The following ASTN2 variants were observed in gnomAD, a reference collection of about 807,000 sequenced individuals.
The protein encoded by ASTN2 is astrotactin 2, also known as astrotactin-2.
A neutral mutation model predicts 139.8 loss-of-function variants in ASTN2; 54 were observed. The observed-to-expected ratio is 0.39, with a 90% CI of 0.31 to 0.48. The LOEUF (loss-of-function observed/expected upper bound fraction) is 0.48, where lower values mean the gene tolerates loss of function less well. ASTN2 is among the 20% of genes least tolerant of loss of function. The pLI, the probability that ASTN2 is intolerant of heterozygous loss-of-function variation, is 0.95. For missense variants in ASTN2, 1,565 were observed against 1,725.1 expected (o/e 0.91, Z 1.64); for synonymous variants, 756 against 719.5 (o/e 1.05, Z -0.81).
chr9:116,649,183 A>C (rs1056942409), intron 17 of ASTN2, among the ~76,000 whole-genome samples: 9 of 152,080 alleles, frequency 5.9e-5, no homozygotes, highest in African/African-American at 1.4e-4. Flanking sequence ...TTTTTAAATC[A>C]TATTTATTGC....
chr9:117,333,781 G>A (rs780268667), intron 1 of ASTN2, among the ~76,000 whole-genome samples: 10 of 152,128 alleles, frequency 6.6e-5, no homozygotes, highest in Admixed American at 3.3e-4. Flanking sequence ...TAGGATTACA[G>A]GCGTGATCCA....
chr9:116,434,764 C>T (rs191687144), intron 22 of ASTN2, among the ~76,000 whole-genome samples: 1 of 152,248 alleles, frequency 6.6e-6, no homozygotes, highest in East Asian at 1.9e-4. Context: ...AACCTTATGT[C>T]TGGGGACAGC....
intron 1 of ASTN2, among the ~76,000 whole-genome samples, chr9:117,397,131 C>T (rs745891798): frequency 1.3e-5 from 2 of 151,616 alleles, no homozygotes; most frequent in African/African-American, 4.8e-5. Context: ...TTAATAGAGA[C>T]GGTGTTTCAC....
chr9:116,976,810 A>G (rs369888767), intron 7 of ASTN2, 25 bp from the exon 8 acceptor site: 143 of 1,604,532 alleles, frequency 8.9e-5, no homozygotes, highest in Admixed American at 4.3e-4. Context: ...AAAAAAGATT[A>G]TTGTTAAGTA....
intron 7 of ASTN2, among the ~76,000 whole-genome samples, chr9:116,990,763 A>G (rs1438062256): frequency 6.6e-6 from 1 of 152,150 alleles, no homozygotes; most frequent in African/African-American, 2.4e-5. Context: ...TTTACAGTAC[A>G]TTTCCTGGGA....
intron 2 of ASTN2, among the ~76,000 whole-genome samples, chr9:117,280,701 T>G (rs1834304151): frequency 6.6e-6 from 1 of 152,174 alleles, no homozygotes; most frequent in Non-Finnish European, 1.5e-5. Context: ...TAAATTTCTG[T>G]TGTCTTAAGC....
At chr9:117,120,018 G>GTGTATGTATATATATA (rs1306397698) in intron 4 of ASTN2, among the ~76,000 whole-genome samples, 16 of 45,998 alleles carry the variant, frequency 3.5e-4, no homozygotes, top group Non-Finnish European at 5.5e-4. Flanking sequence ...GTGTGTGTGT[G>GTGTATGTATATATATA]TATATATATA....
chr9:116,497,411 C>A (rs1849702883), intron 19 of ASTN2, among the ~76,000 whole-genome samples: 1 of 152,172 alleles, frequency 6.6e-6, no homozygotes, highest in African/African-American at 2.4e-5. Context: ...GGTCACAGCT[C>A]TGACCCACAG....
chr9:116,633,655 A>C (rs906582740), intron 17 of ASTN2, among the ~76,000 whole-genome samples: 1 of 152,074 alleles, frequency 6.6e-6, no homozygotes. Flanking sequence ...GAATTACACA[A>C]TTTCTCTTCT....
At chr9:117,116,975 C>T (rs1829411992) in intron 4 of ASTN2, among the ~76,000 whole-genome samples, 1 of 149,732 alleles carries the variant, frequency 6.7e-6, no homozygotes, top group Non-Finnish European at 1.5e-5. Context: ...GTAACAGATT[C>T]ACAATCAACT....
chr9:116,476,964 G>A (rs537239034), intron 20 of ASTN2, among the ~76,000 whole-genome samples: 147 of 151,946 alleles, frequency 9.7e-4, no homozygotes, highest in African/African-American at 3.4e-3. Context: ...GCTCCCCTCC[G>A]CCTGCAGGAG....
chr9:117,375,347 C>CA (rs1333159266), intron 1 of ASTN2, among the ~76,000 whole-genome samples: 1 of 152,216 alleles, frequency 6.6e-6, no homozygotes, highest in Non-Finnish European at 1.5e-5. Context: ...GTCCAGCATT[C>CA]AAAACTCTGT....
intron 2 of ASTN2, among the ~76,000 whole-genome samples, chr9:117,273,926 A>G (rs1019709816): frequency 6.6e-6 from 1 of 152,152 alleles, no homozygotes; most frequent in Non-Finnish European, 1.5e-5. Context: ...TTCACTTTGC[A>G]TCACTTGGTC....
intron 5 of ASTN2, among the ~76,000 whole-genome samples, chr9:117,071,800 T>C (rs994815195): frequency 6.6e-6 from 1 of 151,906 alleles, no homozygotes; most frequent in Admixed American, 6.6e-5. Flanking sequence ...CCCCTTTCTT[T>C]GACTCGGAAA....
chr9:116,651,890 G>A, intron 16 of ASTN2, 97 bp from the exon 17 acceptor site: 2 of 1,430,510 alleles, frequency 1.4e-6, no homozygotes, highest in Non-Finnish European at 1.9e-6. Context: ...TAAGAAGCTG[G>A]TATCCATTGA....
At chr9:117,117,885 C>T (rs1829438032) in intron 4 of ASTN2, among the ~76,000 whole-genome samples, 1 of 152,130 alleles carries the variant, frequency 6.6e-6, no homozygotes, top group Non-Finnish European at 1.5e-5. Flanking sequence ...ACTTCGCAGG[C>T]TCTGGGGGTA....
intron 3 of ASTN2, among the ~76,000 whole-genome samples, chr9:117,161,169 G>A (rs968954333): frequency 6.6e-6 from 1 of 151,998 alleles, no homozygotes; most frequent in African/African-American, 2.4e-5. Flanking sequence ...TAGCTACCAG[G>A]ATGATGATGA....
chr9:116,718,966 G>GTATATATATATATATATATATA lies in ASTN2; in HGVS notation c.2806+6804_2806+6805insTATATATATATATATATATATA, dbSNP rs1219672903. ...TATCTATATTTACATATCTATACCT[G>GTATATATATATATATATATATA]TATCTGTACATATATATATATATAT... On this transcript the variant is annotated intron_variant, in intron 16 of 22. Coordinates refer to ENST00000313400, the MANE Select transcript of ASTN2 (RefSeq NM_001365068.1). Among the ~76,000 whole-genome samples the GTATATATATATATATATATATA allele has an allele frequency of 1.0e-3, 33 of 31,790 alleles. 1 individual carries two copies. Among genetic ancestry groups the GTATATATATATATATATATATA allele is most frequent in the African/African-American group, 4.0e-3 (32 of 8,014 alleles). The allele number at this position is 31,790 out of a possible 152,430, so 20.9% of individuals were successfully genotyped here.
intron 20 of ASTN2, among the ~76,000 whole-genome samples, chr9:116,470,258 G>A (rs962771067): frequency 6.6e-6 from 1 of 152,048 alleles, no homozygotes; most frequent in African/African-American, 2.4e-5. Flanking sequence ...AACACTGAAG[G>A]ATGAATAGTG....
Sources: gnomAD v4.1 joint callset for allele counts (sites outside exome capture counted in the v4.1 genomes callset) on GRCh38, gnomAD v4.1.1 for gene constraint, MANE v1.5 for transcripts, NCBI Gene and HGNC (gene_info 2026-07-23, HGNC 2026-07-21) for gene names.